The following NEBL variants were observed in gnomAD, a reference collection of about 807,000 sequenced individuals.
NEBL encodes the protein nebulette.
Under a neutral mutation model 140.2 loss-of-function variants are expected in NEBL, and 122 were observed. The ratio of observed to expected loss-of-function variants is 0.87; its 90% CI spans 0.75 to 1.01. NEBL has a LOEUF of 1.01. NEBL is among the 50% of genes least tolerant of loss of function. NEBL has a pLI of 0.00. For missense variants in NEBL, 1,365 were observed against 1,231.3 expected (o/e 1.11, Z -1.62); for synonymous variants, 436 against 398.9 (o/e 1.09, Z -1.11).
At position 20,809,915 on chromosome 10, in the gene NEBL, G is replaced by C. The variant is rs930070922; in HGVS notation, c.2519-17C>G. 1.1e-5 allele frequency: 11 copies of C among 1,034,960 alleles called. No individual in the cohort carries two copies. The highest frequency in any genetic ancestry group is 1.5e-5 in the Non-Finnish European group (11 of 754,842). The allele number at this position is 1,034,960 out of a possible 1,614,324, so 64.1% of individuals were successfully genotyped here. A position where few individuals can be genotyped will look rare whatever the true frequency, so the allele number is the denominator to read the frequency against. On this transcript the variant is annotated splice_polypyrimidine_tract_variant and intron_variant, in intron 24 of 27. Transcript: ENST00000377122. ...CTTTGAGGTCTTTTGCCAAAAGGAA[G>C]AAATCAACACTCATCAAGAAGGAAT...
chr10:20,818,805 C>G (rs1015554502), intron 20 of NEBL: 1 of 988,810 alleles, frequency 1.0e-6, no homozygotes, highest in Non-Finnish European at 1.2e-6. Context: ...GCAACACAGT[C>G]CCAAATTTCC....
intron 26 of NEBL, among the ~76,000 whole-genome samples, chr10:20,800,137 C>T (rs1186689612): frequency 6.6e-6 from 1 of 151,404 alleles, no homozygotes; most frequent in Non-Finnish European, 1.5e-5. Flanking sequence ...CATCCCCCCA[C>T]CCCATCGTAA....
At chr10:21,255,076 C>A (rs1842638536) in intron 1 of NEBL, among the ~76,000 whole-genome samples, 1 of 152,068 alleles carries the variant, frequency 6.6e-6, no homozygotes, top group South Asian at 2.1e-4. Context: ...AAACCTCCCT[C>A]CGAAGGGCCC....
At chr10:20,898,196 A>C (rs1409454450), upstream of NEBL, among the ~76,000 whole-genome samples, 1 of 152,182 alleles carries the variant, frequency 6.6e-6, no homozygotes, top group Non-Finnish European at 1.5e-5. Flanking sequence ...CAAAACAAAT[A>C]TTTTAATGTC....
intron 3 of NEBL, among the ~76,000 whole-genome samples, chr10:21,193,412 G>A (rs755535998): frequency 7.2e-5 from 11 of 152,270 alleles, no homozygotes; most frequent in South Asian, 6.2e-4. Flanking sequence ...AGTTGGGGAA[G>A]CTTCAAAACC....
chr10:20,906,565 G>A (rs954627149), intron 4 of NEBL, among the ~76,000 whole-genome samples: 22 of 152,072 alleles, frequency 1.4e-4, no homozygotes, highest in Admixed American at 6.6e-4. Context: ...ACTCTCTGAA[G>A]AGTGAGAACT....
At chr10:21,272,759 G>A (rs1002085192) in intron 1 of NEBL, among the ~76,000 whole-genome samples, 2 of 152,170 alleles carry the variant, frequency 1.3e-5, no homozygotes, top group Non-Finnish European at 2.9e-5. Context: ...GATCATTGGA[G>A]TGAAAGAGGA....
At chr10:21,214,957 G>A (rs574541450) in intron 3 of NEBL, among the ~76,000 whole-genome samples, 25 of 152,158 alleles carry the variant, frequency 1.6e-4, no homozygotes, top group African/African-American at 4.8e-4. Flanking sequence ...TTTCCCTGCC[G>A]GGGAGGAGCA....
chr10:20,919,313 G>T (rs1044652288), intron 4 of NEBL, among the ~76,000 whole-genome samples: 2 of 152,166 alleles, frequency 1.3e-5, no homozygotes, highest in African/African-American at 2.4e-5. Flanking sequence ...GGATAGGTTT[G>T]TGCAACCTCT....
intron 13 of NEBL, among the ~76,000 whole-genome samples, chr10:20,837,381 C>G (rs1841003038): frequency 6.6e-6 from 1 of 152,060 alleles, no homozygotes; most frequent in Non-Finnish European, 1.5e-5. Flanking sequence ...CCCCTTAAAC[C>G]AAACCTAATC....
intron 2 of NEBL, among the ~76,000 whole-genome samples, chr10:20,891,586 C>T (rs1847035056): frequency 6.6e-6 from 1 of 152,196 alleles, no homozygotes. Flanking sequence ...AAGTCTGACA[C>T]ATGCAGAACG....
chr10:21,126,306 A>G (rs1427112303), intron 2 of NEBL: 3 of 631,142 alleles, frequency 4.8e-6, no homozygotes, highest in Non-Finnish European at 8.1e-6. Context: ...AAATGTTTAT[A>G]TTGTTTGCTT....
chr10:20,989,305 G>C (rs201817693), intron 3 of NEBL, among the ~76,000 whole-genome samples: 33 of 143,988 alleles, frequency 2.3e-4, no homozygotes, highest in African/African-American at 9.4e-4. Flanking sequence ...TTTTGTTTTT[G>C]TTTTTGGAGG....
intron 3 of NEBL, among the ~76,000 whole-genome samples, chr10:20,968,792 C>T (rs1022537008): frequency 6.6e-6 from 1 of 152,154 alleles, no homozygotes; most frequent in Non-Finnish European, 1.5e-5. Flanking sequence ...TTACCTTTCA[C>T]GACATGATAG....
intron 4 of NEBL, among the ~76,000 whole-genome samples, chr10:20,947,550 C>G (rs1835229495): frequency 6.6e-6 from 1 of 152,108 alleles, no homozygotes; most frequent in African/African-American, 2.4e-5. Flanking sequence ...ATAATTGTAA[C>G]AGTCACAGTA....
At chr10:20,805,087 A>C (rs559351014) in intron 26 of NEBL, among the ~76,000 whole-genome samples, 2 of 152,164 alleles carry the variant, frequency 1.3e-5, no homozygotes, top group African/African-American at 2.4e-5. Flanking sequence ...AGCTGACAAG[A>C]TTTGCCAATG....
At chr10:20,806,380 A>C (rs1381238366) in intron 26 of NEBL, among the ~76,000 whole-genome samples, 1 of 152,138 alleles carries the variant, frequency 6.6e-6, no homozygotes, top group Non-Finnish European at 1.5e-5. Context: ...TGTGTGTGTG[A>C]TGCTTCCATT....
At chr10:20,988,050 C>G (rs1837322893) in intron 3 of NEBL, among the ~76,000 whole-genome samples, 1 of 152,136 alleles carries the variant, frequency 6.6e-6, no homozygotes. Flanking sequence ...CAATGTAACA[C>G]CAATCAAAAT....
chr10:21,192,291 A>G (rs1417845878), intron 3 of NEBL, among the ~76,000 whole-genome samples: 1 of 150,668 alleles, frequency 6.6e-6, no homozygotes, highest in Non-Finnish European at 1.5e-5. Flanking sequence ...TCCTGGGTTC[A>G]CACCATTCTC....
Sources: allele counts gnomAD v4.1 joint callset (sites outside exome capture counted in the v4.1 genomes callset), GRCh38; gene constraint gnomAD v4.1.1; transcripts MANE v1.5; gene names NCBI Gene and HGNC (gene_info 2026-07-23, HGNC 2026-07-21).